Variants in ANKFY1 observed in about 807,000 individuals in gnomAD.
ANKFY1 encodes the protein ankyrin repeat and FYVE domain containing 1, also known as ankyrin repeat and FYVE domain-containing protein 1.
ANKFY1 carries 47 observed loss-of-function variants against 128.3 expected under a neutral mutation model. The ratio of observed to expected loss-of-function variants is 0.37; its 90% CI spans 0.29 to 0.47. The LOEUF (loss-of-function observed/expected upper bound fraction) is 0.47, where lower values mean the gene tolerates loss of function less well. Among genes scored for constraint, ANKFY1 ranks in the 20% least tolerant of loss-of-function variants. The probability of loss-of-function intolerance (pLI) is 1.00; values close to 1 mark genes in which losing one functional copy is unlikely to be tolerated. For synonymous variants in ANKFY1, 553 were observed against 601.6 expected (o/e 0.92, Z 1.18); for missense variants, 1,222 against 1,510.6 (o/e 0.81, Z 3.17).
At chr17:4,243,288 A>T (rs753674280) in intron 1 of ANKFY1, among the ~76,000 whole-genome samples, 3 of 151,822 alleles carry the variant, frequency 2.0e-5, no homozygotes, top group Non-Finnish European at 4.4e-5. Context: ...GGATGGTCTC[A>T]AACTCCAGAC....
In ANKFY1 at chr17:4,248,847, C is replaced by T. The variant is rs182246188; in HGVS notation, c.11-6399G>A. On this transcript the variant is annotated intron_variant, in intron 1 of 24. Transcript: ENST00000341657. ...ACCTAGAGTTTCACCAAAAAAGCTA[C>T]GCTAAGTATCAGTGAAGAATGCCAG... 1.1e-4 allele frequency among the ~76,000 whole-genome samples: 16 copies of T among 152,252 alleles called. No individual in the cohort carries two copies. In the East Asian group the frequency reaches 2.1e-3, roughly 20 times the overall value.
chr17:4,187,155 A>G, intron 11 of ANKFY1: 1 of 563,402 alleles, frequency 1.8e-6, no homozygotes, highest in Non-Finnish European at 2.6e-6. Context: ...CCGCCCTCCC[A>G]AGCTTCCCCT....
chr17:4,236,397 G>A (rs1037074936), intron 2 of ANKFY1, among the ~76,000 whole-genome samples: 22 of 152,256 alleles, frequency 1.4e-4, no homozygotes, highest in African/African-American at 2.4e-4. Context: ...CCAGTATCTG[G>A]ACTCCTGTTC....
At chr17:4,255,807 T>C (rs571002939) in intron 1 of ANKFY1, among the ~76,000 whole-genome samples, 62 of 151,822 alleles carry the variant, frequency 4.1e-4, no homozygotes, top group African/African-American at 1.5e-3. Flanking sequence ...TTACCACCAC[T>C]ACTACTTTTC....
intron 2 of ANKFY1, among the ~76,000 whole-genome samples, chr17:4,236,821 T>C (rs771400278): frequency 1.3e-5 from 2 of 151,974 alleles, no homozygotes; most frequent in Non-Finnish European, 2.9e-5. Context: ...AAAAATACCA[T>C]TACATGAATT....
chr17:4,189,920 A>G (rs1245406389), intron 10 of ANKFY1, among the ~76,000 whole-genome samples: 2 of 152,200 alleles, frequency 1.3e-5, no homozygotes, highest in Non-Finnish European at 2.9e-5. Context: ...CACAGAGGCT[A>G]GGGAACGCCC....
chr17:4,259,460 T>G (rs1968291770), intron 1 of ANKFY1, among the ~76,000 whole-genome samples: 1 of 152,100 alleles, frequency 6.6e-6, no homozygotes, highest in African/African-American at 2.4e-5. Flanking sequence ...TTTTGTATGT[T>G]TAGTAGAGAT....
intron 1 of ANKFY1, among the ~76,000 whole-genome samples, chr17:4,256,321 A>G (rs1021627200): frequency 2.0e-5 from 3 of 151,922 alleles, no homozygotes; most frequent in African/African-American, 4.8e-5. Flanking sequence ...CCAGCTACTC[A>G]GGAGGCGGAG....
At position 4,189,119 on chromosome 17, in the gene ANKFY1, A is replaced by G. The variant is rs567421414; in HGVS notation, c.1470+263T>C. On this transcript the variant is annotated intron_variant, in intron 11 of 24. Transcript: ENST00000341657. Reference sequence around the variant, plus strand: ...TTTGCTAACCTCTATTAAAGTCCATAGCATCTAGTTCGGGGTCTGATAACC... The same window carrying G: ...TTTGCTAACCTCTATTAAAGTCCATGGCATCTAGTTCGGGGTCTGATAACC... 5.9e-5 allele frequency among the ~76,000 whole-genome samples: 9 copies of G among 152,304 alleles called. No homozygotes were observed. The East Asian group carries it at 1.3e-3, about 23-fold the overall frequency.
At chr17:4,189,907 G>A (rs931561114) in intron 10 of ANKFY1, among the ~76,000 whole-genome samples, 6 of 151,744 alleles carry the variant, frequency 4.0e-5, no homozygotes, top group Admixed American at 1.3e-4. Flanking sequence ...CTCTGTGTGT[G>A]GACACAGAGG....
At chr17:4,173,848 T>C (rs1379125680) in intron 20 of ANKFY1, 61 bp downstream of exon 20, 2 of 1,568,008 alleles carry the variant, frequency 1.3e-6, no homozygotes, top group Admixed American at 1.8e-5. Flanking sequence ...AAGGGTGCAC[T>C]GCACCCCCAC....
chr17:4,235,956 A>C, intron 2 of ANKFY1, 66 bp from the exon 3 acceptor site: 3 of 1,159,280 alleles, frequency 2.6e-6, no homozygotes, highest in Non-Finnish European at 3.9e-6. Flanking sequence ...GCTAGGATTC[A>C]CAGCTGATAA....
chr17:4,180,924 C>T (rs1265556587), intron 16 of ANKFY1: 1 of 257,504 alleles, frequency 3.9e-6, no homozygotes, highest in Non-Finnish European at 7.7e-6. Flanking sequence ...TGGGGTCCTG[C>T]AGAGACCATC....
intron 1 of ANKFY1, 127 bp downstream of exon 1, chr17:4,263,805 G>C: frequency 6.2e-7 from 1 of 1,605,014 alleles, no homozygotes; most frequent in Non-Finnish European, 8.5e-7. Flanking sequence ...TAGACAGGAA[G>C]GCTCGCGAGA....
intron 3 of ANKFY1, 149 bp downstream of exon 3, chr17:4,235,623 T>C: frequency 1.5e-6 from 1 of 649,880 alleles, no homozygotes. Flanking sequence ...TGCTGATTCA[T>C]TAATTATTTA....
intron 5 of ANKFY1, among the ~76,000 whole-genome samples, chr17:4,209,346 G>T (rs965207221): frequency 6.6e-6 from 1 of 152,224 alleles, no homozygotes; most frequent in Non-Finnish European, 1.5e-5. Flanking sequence ...TGTCACCCAG[G>T]CTGGAGTGCA....
intron 3 of ANKFY1, chr17:4,222,544 G>A: frequency 1.6e-6 from 2 of 1,254,064 alleles, no homozygotes. Context: ...ATTTCGGGTA[G>A]AGCTTTCCTG....
At chr17:4,197,245 CTT>C in intron 8 of ANKFY1, 126 bp downstream of exon 8, 3 of 971,110 alleles carry the variant, frequency 3.1e-6, no homozygotes, top group Non-Finnish European at 4.7e-6. Context: ...ATGTCTGTGA[CTT>C]TAATGAAAAT....
chr17:4,225,816 C>A (rs772406956), intron 3 of ANKFY1, among the ~76,000 whole-genome samples: 22 of 152,128 alleles, frequency 1.4e-4, no homozygotes, highest in Non-Finnish European at 3.2e-4. Context: ...AGGTGGACTG[C>A]AGTGGCGTGA....
Sources: allele counts gnomAD v4.1 joint callset (sites outside exome capture counted in the v4.1 genomes callset), GRCh38; gene constraint gnomAD v4.1.1; transcripts MANE v1.5; gene names NCBI Gene and HGNC (gene_info 2026-07-23, HGNC 2026-07-21).